DCHS2: variants seen among roughly 807,000 people sequenced by gnomAD.
The protein encoded by DCHS2 is dachsous cadherin-related 2, also known as protocadherin-23.
Under a neutral mutation model 182.4 loss-of-function variants are expected in DCHS2, and 142 were observed. The observed-to-expected ratio is 0.78, with a 90% confidence interval of 0.68 to 0.89. DCHS2 has a LOEUF of 0.89. Among genes scored for constraint, DCHS2 ranks in the 40% least tolerant of loss-of-function variants. DCHS2 has a pLI of 0.00. For synonymous variants in DCHS2, 1,740 were observed against 1,663.3 expected (o/e 1.05, Z -1.12); for missense variants, 4,319 against 4,198.6 (o/e 1.03, Z -0.79).
At chr4:154,304,902 A>G (rs768207338) in intron 11 of DCHS2, 24 bp from the exon 12 acceptor site, 58 of 1,585,778 alleles carry the variant, frequency 3.7e-5, no homozygotes, top group Non-Finnish European at 8.6e-7. Context: ...CAAAGACGGT[A>G]TGAATTGTGG....
intron 3 of DCHS2, chr4:154,343,570 T>C: frequency 6.5e-7 from 1 of 1,529,480 alleles, no homozygotes; most frequent in South Asian, 1.2e-5. Flanking sequence ...AGATGGCGTC[T>C]TCCCTTAAAC....
At chr4:154,407,330 T>C (rs1732442472) in intron 1 of DCHS2, among the ~76,000 whole-genome samples, 2 of 152,132 alleles carry the variant, frequency 1.3e-5, no homozygotes, top group African/African-American at 2.4e-5. Context: ...TATTGAAAGG[T>C]TTCTATGTTC....
At position 154,234,690 on chromosome 4, in the gene DCHS2, G is replaced by C. The variant is rs145223267; in HGVS notation, c.9962C>G (p.Pro3321Arg). Residue 3321 changes from proline to arginine, a missense_variant, in exon 20 of 20, where the codon CCA becomes CGA. Physicochemically the swap from Pro to Arg is moderately radical, Grantham distance 103. Transcript: ENST00000357232. ...SPIPYHLGSL[P>R]EGMTPNFSPS... Reference sequence around the variant, plus strand: ...AGAAAAATTGGGAGTCATGCCTTCTGGCAGAGAACCAAGATGGTAGGGGAT... The same window carrying C: ...AGAAAAATTGGGAGTCATGCCTTCTCGCAGAGAACCAAGATGGTAGGGGAT... The C allele has an allele frequency of 1.2e-6, 2 of 1,613,930 alleles. No individual in the cohort carries two copies. Among genetic ancestry groups the C allele is most frequent in the African/African-American group, 2.7e-5 (2 of 74,910 alleles).
intron 13 of DCHS2, among the ~76,000 whole-genome samples, chr4:154,288,631 C>G (rs1306409742): frequency 6.6e-6 from 1 of 152,116 alleles, no homozygotes; most frequent in African/African-American, 2.4e-5. Flanking sequence ...TTCTTCTCCT[C>G]AGCACATGGA....
intron 1 of DCHS2, chr4:154,384,565 G>A (rs1731317120): frequency 6.7e-7 from 1 of 1,498,008 alleles, no homozygotes; most frequent in Non-Finnish European, 9.0e-7. Context: ...AAAGTAGTGA[G>A]TACTACCTTA....
At chr4:154,488,884 ATATGTGTGTGTGTGTGTC>A (rs1417986199) in intron 1 of DCHS2, among the ~76,000 whole-genome samples, 42 of 130,388 alleles carry the variant, frequency 3.2e-4, no homozygotes, top group African/African-American at 1.1e-3. Context: ...AAAAATATAT[ATATGTGTGTGTGTGTGTC>A]TGTGTGTGTG....
At chr4:154,276,821 T>C (rs1189500654) in intron 13 of DCHS2, among the ~76,000 whole-genome samples, 2 of 152,146 alleles carry the variant, frequency 1.3e-5, no homozygotes, top group Non-Finnish European at 2.9e-5. Flanking sequence ...CCAGGCAAGC[T>C]CAAAACCAAG....
In DCHS2 at chr4:154,333,021, G is replaced by A; in HGVS notation, c.3187C>T (p.Gln1063Ter). ...ACTGTCAGCACCAGCAGGGCTGCCTGAGGATGCACGCCTTGGTCCTCGGCC... is the reference window on the plus strand; with the variant it reads ...ACTGTCAGCACCAGCAGGGCTGCCTAAGGATGCACGCCTTGGTCCTCGGCC... The part of the protein sequence containing the change: ...LRAEDQGVHP[Q>*]AALLVLTVVI... Residue 1063 changes from glutamine (Q) to a stop codon, truncating the protein, a stop_gained, in exon 5 of 20, where the codon CAG becomes TAG. Transcript: ENST00000357232. LOFTEE classifies it high-confidence loss of function. 4 of 1,614,178 alleles carry A rather than the reference G, an allele frequency of 2.5e-6. No individual in the cohort carries two copies. Among genetic ancestry groups the A allele is most frequent in the Non-Finnish European group, 3.4e-6 (4 of 1,180,004 alleles).
intron 1 of DCHS2, chr4:154,391,154 T>G (rs1208059222): frequency 1.9e-6 from 3 of 1,608,386 alleles, no homozygotes; most frequent in Non-Finnish European, 2.5e-6. Context: ...TTTTTAATTT[T>G]TGTTCTTACC....
rs778101461 is a variant in DCHS2 at position 154,240,539 on chromosome 4, G to T, written c.7357C>A (p.Gln2453Lys). 2 of 1,613,140 alleles carry T rather than the reference G, an allele frequency of 1.2e-6. No homozygotes were observed. Among genetic ancestry groups the T allele is most frequent in the Admixed American group, 3.3e-5 (2 of 59,960 alleles). ...NPPVFSQDFY[Q>K]VTVPESIPVG... The stretch of plus-strand genomic sequence containing the variant: ...CGGCATCTCTTTAAGCCCTTTACCT[G>T]ATAGAAATCTTGAGAAAACACTGGT... The change falls in exon 18 of 20, where the codon CAG (glutamine) becomes AAG (lysine). Residue 2453 changes from glutamine to lysine, a missense_variant and splice_region_variant. Gln to Lys is a moderately conservative substitution (Grantham distance 53, BLOSUM62 1). Transcript: ENST00000357232.
intron 12 of DCHS2, among the ~76,000 whole-genome samples, chr4:154,299,536 T>G (rs1735116925): frequency 6.6e-6 from 1 of 152,198 alleles, no homozygotes; most frequent in Non-Finnish European, 1.5e-5. Context: ...TACTAGAGTC[T>G]GCATATCAGA....
At chr4:154,460,519 G>A (rs574581843) in intron 1 of DCHS2, among the ~76,000 whole-genome samples, 4 of 152,288 alleles carry the variant, frequency 2.6e-5, no homozygotes, top group African/African-American at 9.6e-5. Context: ...CTGACCTCAT[G>A]GGGTTGTAGT....
chr4:154,414,142 A>G (rs1732735853), intron 1 of DCHS2, among the ~76,000 whole-genome samples: 1 of 151,916 alleles, frequency 6.6e-6, no homozygotes, highest in South Asian at 2.1e-4. Context: ...CAAACAGTCA[A>G]TAAATATTTC....
In DCHS2 at chr4:154,490,570, G is replaced by C; in HGVS notation, c.786C>G (p.His262Gln). 6.5e-7 allele frequency: 1 copy of C among 1,542,942 alleles called. No homozygotes were observed. Among genetic ancestry groups the C allele is most frequent in the South Asian group, 1.2e-5 (1 of 83,964 alleles). Reference protein sequence around the residue: ...RRLDREEAAAHRLQIEAWDGG... With the variant: ...RRLDREEAAAQRLQIEAWDGG... ...CGTCCCATGCCTCGATCTGCAGCCG[G>C]TGCGCCGCCGCCTCCTCTCGGTCCA... is the stretch of plus-strand genomic sequence containing the variant. Residue 262 changes from histidine (H) to glutamine (Q), a missense_variant, in exon 1 of 20, where the codon CAC (histidine) becomes CAG (glutamine). Coordinates refer to ENST00000357232, the MANE Select transcript of DCHS2 (RefSeq NM_001358235.2).
At chr4:154,324,104 C>G (rs955700087) in intron 7 of DCHS2, among the ~76,000 whole-genome samples, 1 of 152,180 alleles carries the variant, frequency 6.6e-6, no homozygotes, top group Non-Finnish European at 1.5e-5. Context: ...CACTAACATC[C>G]ACCAATGTTC....
chr4:154,339,582 T>C (rs1561054168), intron 3 of DCHS2, among the ~76,000 whole-genome samples: 1 of 151,880 alleles, frequency 6.6e-6, no homozygotes, highest in Non-Finnish European at 1.5e-5. Flanking sequence ...CCTGAGTAGC[T>C]AGGACTACAG....
At chr4:154,238,022 CA>C (rs1731616834) in intron 19 of DCHS2, among the ~76,000 whole-genome samples, 1 of 152,014 alleles carries the variant, frequency 6.6e-6, no homozygotes, top group African/African-American at 2.4e-5. Context: ...GTCAATAGCA[CA>C]TGTCAAGTAA....
At chr4:154,384,358 C>A in intron 1 of DCHS2, 2 of 1,611,852 alleles carry the variant, frequency 1.2e-6, no homozygotes, top group South Asian at 2.2e-5. Context: ...CACCACCTGA[C>A]TGACCTCACC....
At position 154,489,957 on chromosome 4, in the gene DCHS2, T is replaced by A; in HGVS notation, c.1399A>T (p.Ile467Phe). The change falls in exon 1 of 20, where the codon ATC becomes TTC. Residue 467 changes from isoleucine to phenylalanine, a missense_variant. Coordinates refer to ENST00000357232, the MANE Select transcript of DCHS2 (RefSeq NM_001358235.2). Reference sequence around the variant, plus strand: ...TCTCCGCCTTCCAAGGACAGAGAGATGCTCCCGTCTCCAAGACCCACACCA... The same window carrying A: ...TCTCCGCCTTCCAAGGACAGAGAGAAGCTCCCGTCTCCAAGACCCACACCA... Reference protein sequence around the residue: ...ELGVGLGDGSISLSLEGGEGD... With the variant: ...ELGVGLGDGSFSLSLEGGEGD... 6.5e-7 allele frequency: 1 copy of A among 1,544,386 alleles called. No homozygotes were observed. Among genetic ancestry groups the A allele is most frequent in the Non-Finnish European group, 8.8e-7 (1 of 1,142,350 alleles).
Sources: allele counts gnomAD v4.1 joint callset (sites outside exome capture counted in the v4.1 genomes callset), GRCh38; gene constraint gnomAD v4.1.1; transcripts MANE v1.5; gene names NCBI Gene and HGNC (gene_info 2026-07-23, HGNC 2026-07-21).